CYTH1: variants seen among roughly 807,000 people sequenced by gnomAD.
CYTH1 encodes cytohesin 1, also known as cytohesin-1.
In CYTH1, 18 loss-of-function variants were observed where a neutral mutation model predicts 61.8. The ratio of observed to expected loss-of-function variants is 0.29; its 90% CI spans 0.20 to 0.43. The LOEUF (loss-of-function observed/expected upper bound fraction) is 0.43. CYTH1 is among the 20% of genes least tolerant of loss of function. The pLI is 1.00. For synonymous variants in CYTH1, 174 were observed against 184.3 expected, an observed-to-expected ratio of 0.94 and a Z score of 0.45; for missense variants, 336 against 510.5, an observed-to-expected ratio of 0.66 and a Z score of 3.29.
At chr17:78,730,086 C>T (rs1160631384) in intron 1 of CYTH1, among the ~76,000 whole-genome samples, 1 of 152,084 alleles carries the variant, frequency 6.6e-6, no homozygotes, top group Non-Finnish European at 1.5e-5. Flanking sequence ...TGTTTTAATG[C>T]CCATGAAGTG....
Position 78,732,259 on chromosome 17 carries a change from T to C in CYTH1, c.23-22527A>G, listed in dbSNP as rs557089995. ...AAAATTCCACCTGTTGCCTTCCACA[T>C]CCCTCCTGTCTAATCAGACTTTGGG... On this transcript the variant is annotated intron_variant, in intron 1 of 13. Transcript: ENST00000446868. Among the ~76,000 whole-genome samples, 5 of 152,250 alleles carry C rather than the reference T, an allele frequency of 3.3e-5. No individual in the cohort carries two copies. In the East Asian group the frequency reaches 9.6e-4, roughly 29 times the overall value.
At chr17:78,728,975 G>C (rs1401618134) in intron 1 of CYTH1, among the ~76,000 whole-genome samples, 1 of 152,204 alleles carries the variant, frequency 6.6e-6, no homozygotes, top group East Asian at 1.9e-4. Context: ...TAATATTGGT[G>C]AGTCTGCTCA....
rs1406903082 is a variant in CYTH1, at chr17:78,782,236, G to C, written c.-13C>G. 3.0e-6 allele frequency: 4 copies of C among 1,312,352 alleles called. No homozygotes were observed. Among genetic ancestry groups the C allele is most frequent in the African/African-American group, 3.1e-5 (2 of 64,298 alleles). The allele number at this position is 1,312,352 out of a possible 1,614,324, so 81.3% of individuals were successfully genotyped here. ...CGTCCTCCTCCATGGTGCGGGAGCC[G>C]GGCTCCGCGCTCCGGCTCGCCGCTC... is the stretch of plus-strand genomic sequence containing the variant. On this transcript the variant is annotated 5_prime_UTR_variant, in exon 1 of 14. Coordinates refer to ENST00000446868, the MANE Select transcript of CYTH1 (RefSeq NM_004762.6).
chr17:78,756,600 C>A (rs1392565733), intron 1 of CYTH1, among the ~76,000 whole-genome samples: 1 of 151,848 alleles, frequency 6.6e-6, no homozygotes, highest in African/African-American at 2.4e-5. Context: ...ACAGTGAGAC[C>A]CCATCTAAAA....
intron 4 of CYTH1, 138 bp from the exon 5 acceptor site, chr17:78,702,378 G>T: frequency 1.0e-6 from 1 of 995,132 alleles, no homozygotes; most frequent in South Asian, 1.5e-5. Flanking sequence ...ATAAAGCCGG[G>T]GAGTCACAGT....
chr17:78,779,349 G>T (rs568067225), intron 1 of CYTH1, among the ~76,000 whole-genome samples: 1 of 142,786 alleles, frequency 7.0e-6, no homozygotes, highest in East Asian at 2.1e-4. Flanking sequence ...GCAGTGAGCC[G>T]AGATTGCGCC....
intron 1 of CYTH1, among the ~76,000 whole-genome samples, chr17:78,773,597 G>C (rs1312274622): frequency 1.3e-5 from 2 of 149,644 alleles, no homozygotes; most frequent in Non-Finnish European, 3.0e-5. Flanking sequence ...CCACTGCACT[G>C]CAGCCTGGGC....
chr17:78,732,569 T>C (rs1395570678), intron 1 of CYTH1, among the ~76,000 whole-genome samples: 4 of 152,218 alleles, frequency 2.6e-5, no homozygotes, highest in Non-Finnish European at 5.9e-5. Context: ...GATACAGGTT[T>C]CTTGCTATGA....
At chr17:78,729,608 T>C (rs779791409) in intron 1 of CYTH1, among the ~76,000 whole-genome samples, 1 of 152,222 alleles carries the variant, frequency 6.6e-6, no homozygotes, top group Non-Finnish European at 1.5e-5. Flanking sequence ...TTTGATTTGA[T>C]TTGAATCAAA....
intron 1 of CYTH1, among the ~76,000 whole-genome samples, chr17:78,715,102 C>A (rs1165736255): frequency 2.0e-5 from 3 of 151,832 alleles, no homozygotes; most frequent in East Asian, 3.9e-4. Context: ...ATTTTTAAAT[C>A]CCACAGAGAA....
At chr17:78,677,062 A>G (rs2092707778) in intron 13 of CYTH1, 1 of 455,898 alleles carries the variant, frequency 2.2e-6, no homozygotes. Context: ...TATTCACAAG[A>G]GACAGTGTGT....
At chr17:78,692,165 G>A (rs2092893725) in intron 11 of CYTH1, among the ~76,000 whole-genome samples, 1 of 152,058 alleles carries the variant, frequency 6.6e-6, no homozygotes, top group South Asian at 2.1e-4. Flanking sequence ...CCTCCTCCAG[G>A]CCAGGTATCT....
chr17:78,744,226 A>C (rs536387471), intron 1 of CYTH1, among the ~76,000 whole-genome samples: 3 of 152,360 alleles, frequency 2.0e-5, no homozygotes, highest in Admixed American at 2.0e-4. Flanking sequence ...TTGCTGCAGG[A>C]GATGGAGAGG....
At chr17:78,765,438 G>C (rs1206429781) in intron 1 of CYTH1, among the ~76,000 whole-genome samples, 2 of 152,208 alleles carry the variant, frequency 1.3e-5, no homozygotes, top group Non-Finnish European at 2.9e-5. Flanking sequence ...TCTGGACACA[G>C]AGAAATCGCA....
chr17:78,750,801 CA>C (rs201658926), intron 1 of CYTH1, among the ~76,000 whole-genome samples: 63,610 of 126,616 alleles, frequency 0.5, 14,629 homozygotes, highest in East Asian at 0.61. Flanking sequence ...GACTCCATCT[CA>C]AAAAAAAAAA....
intron 1 of CYTH1, among the ~76,000 whole-genome samples, chr17:78,720,198 C>T (rs930252486): frequency 1.2e-4 from 19 of 152,100 alleles, no homozygotes; most frequent in Non-Finnish European, 2.5e-4. Flanking sequence ...TATGAATGTA[C>T]TACTGAACTT....
intron 1 of CYTH1, among the ~76,000 whole-genome samples, chr17:78,779,860 A>C (rs1476176313): frequency 6.6e-6 from 1 of 152,228 alleles, no homozygotes; most frequent in Non-Finnish European, 1.5e-5. Flanking sequence ...CCCTAAAACA[A>C]ATGTTATGTT....
At chr17:78,749,092 T>C (rs1045072856) in intron 1 of CYTH1, among the ~76,000 whole-genome samples, 2 of 152,182 alleles carry the variant, frequency 1.3e-5, no homozygotes, top group African/African-American at 4.8e-5. Flanking sequence ...AACTTCTTGA[T>C]ACCTGTTATT....
intron 1 of CYTH1, among the ~76,000 whole-genome samples, chr17:78,737,881 A>ACT (rs1375221740): frequency 2.5e-5 from 2 of 81,370 alleles, no homozygotes; most frequent in Non-Finnish European, 6.6e-5. Flanking sequence ...AGATACACAC[A>ACT]CACACACACA....
Sources: allele counts gnomAD v4.1 joint callset (sites outside exome capture counted in the v4.1 genomes callset), GRCh38; gene constraint gnomAD v4.1.1; transcripts MANE v1.5; gene names NCBI Gene and HGNC (gene_info 2026-07-23, HGNC 2026-07-21).